Variants in ALOX15 observed in about 807,000 individuals in gnomAD.
The protein encoded by ALOX15 is polyunsaturated fatty acid lipoxygenase ALOX15.
Under a neutral mutation model 71.7 loss-of-function variants are expected in ALOX15, and 68 were observed. The observed-to-expected ratio is 0.95, with a 90% CI of 0.78 to 1.16. The LOEUF is 1.16. Ranked by LOEUF, ALOX15 falls within the 50% of genes most tolerant of loss-of-function variation. ALOX15 has a pLI of 0.00. For synonymous variants in ALOX15, 346 were observed against 333.3 expected, an observed-to-expected ratio of 1.04 and a Z score of -0.42; for missense variants, 798 against 818.8, an observed-to-expected ratio of 0.97 and a Z score of 0.31.
Position 4,633,128 on chromosome 17 carries a change from C to G in ALOX15, c.1418+18G>C, listed in dbSNP as rs1362734579. The G allele has an allele frequency of 6.2e-7, 1 of 1,611,716 alleles. No individual in the cohort carries two copies. The highest frequency in any genetic ancestry group is 1.7e-5 in the Admixed American group (1 of 59,950). Reference sequence around the variant, plus strand: ...CCACCCCCACTTGCACCCCCACTGGCCTTCCCGCTTGCCTCACCGATAGAT... The same window carrying G: ...CCACCCCCACTTGCACCCCCACTGGGCTTCCCGCTTGCCTCACCGATAGAT... On this transcript the variant is annotated intron_variant, in intron 10 of 13. Coordinates refer to ENST00000293761, the MANE Select transcript of ALOX15 (RefSeq NM_001140.5).
intron 1 of ALOX15, among the ~76,000 whole-genome samples, chr17:4,640,798 C>T (rs1219384807): frequency 4.6e-5 from 7 of 150,742 alleles, no homozygotes; most frequent in Non-Finnish European, 8.8e-5. Flanking sequence ...CTGACTGCGC[C>T]GGATTCTTGT....
intron 1 of ALOX15, among the ~76,000 whole-genome samples, 179 bp downstream of exon 1, chr17:4,641,338 G>A (rs919330533): frequency 2.0e-5 from 3 of 152,210 alleles, no homozygotes; most frequent in Non-Finnish European, 4.4e-5. Flanking sequence ...CGCTTACTGT[G>A]TGCCACCGAC....
intron 1 of ALOX15, chr17:4,639,971 G>A (rs1911260083): frequency 4.3e-5 from 6 of 138,918 alleles, no homozygotes; most frequent in South Asian, 2.0e-4. Context: ...TTCCCGCTGT[G>A]CGACCCCCCA....
chr17:4,635,960 C>T lies in ALOX15; in HGVS notation c.960G>A (p.Leu320=), dbSNP rs1348727281. The change falls in exon 8 of 14, where the codon CTG becomes CTA. Residue 320 remains leucine (L), a synonymous_variant. Transcript: ENST00000293761. ...KLLPMVIQLQ[L]PRTGSPPPPL... is the part of the protein sequence containing the mutation. ...GAGGTGGTGGGGATCCTGTGCGGGG[C>T]AGCTGGAGCTGGAGCAGGGACAAGT... is the stretch of plus-strand genomic sequence containing the variant. 8 of 1,613,518 alleles carry T rather than the reference C, an allele frequency of 5.0e-6. No individual in the cohort carries two copies. Among genetic ancestry groups the T allele is most frequent in the Non-Finnish European group, 5.1e-6 (6 of 1,180,016 alleles).
At chr17:4,636,012 G>A in intron 7 of ALOX15, 44 bp from the exon 8 acceptor site, 3 of 1,588,874 alleles carry the variant, frequency 1.9e-6, no homozygotes, top group South Asian at 1.1e-5. Flanking sequence ...TGAGTGCCAG[G>A]CACTCAGCGA....
chr17:4,638,880 C>T lies in ALOX15; in HGVS notation c.512G>A (p.Arg171Lys), dbSNP rs181950938. 10 of 1,614,252 alleles carry T rather than the reference C, an allele frequency of 6.2e-6. No individual in the cohort carries two copies. In the Admixed American group the frequency reaches 1.5e-4, roughly 24 times the overall value. The change falls in exon 4 of 14, where the codon AGA (arginine) becomes AAA (lysine). Residue 171 changes from arginine to lysine, a missense_variant. Physicochemically the swap from Arg to Lys is conservative, Grantham distance 26. Coordinates refer to ENST00000293761, the MANE Select transcript of ALOX15 (RefSeq NM_001140.5). Reference protein sequence around the residue: ...PVDERFLEDKRVDFEVSLAKG... With the variant: ...PVDERFLEDKKVDFEVSLAKG... ...GGCCAGCGAAACCTCAAAGTCAACTCTCTTGTCTTCCAGAAATCGCTCATC... is the reference window on the plus strand; with the variant it reads ...GGCCAGCGAAACCTCAAAGTCAACTTTCTTGTCTTCCAGAAATCGCTCATC...
Position 4,633,289 on chromosome 17 carries a change from G to A in ALOX15, c.1275C>T (p.His425=), listed in dbSNP as rs371526653. 1.7e-5 allele frequency: 27 copies of A among 1,613,942 alleles called. No homozygotes were observed. The highest frequency in any genetic ancestry group is 1.6e-4 in the Middle Eastern group (1 of 6,084). Residue 425 remains histidine (H), a synonymous_variant, in exon 10 of 14, where the codon CAC becomes CAT. Transcript: ENST00000293761. ...CTCCAGCTTGCTTGAGCAGCTGCAC[G>A]TGGCCTCCCCCACCAGTGCTCATTA... is the stretch of plus-strand genomic sequence containing the variant. ...DQIMSTGGGG[H]VQLLKQAGAF... is the part of the protein sequence containing the mutation.
chr17:4,641,571 G>A lies in ALOX15; in HGVS notation c.81C>T (p.Val27=), dbSNP rs760757064. Residue 27 remains valine, a synonymous_variant, in exon 1 of 14, where the codon GTC becomes GTT. Coordinates refer to ENST00000293761, the MANE Select transcript of ALOX15 (RefSeq NM_001140.5). Reference sequence around the variant, plus strand: ...CGAGCGCCGCCTCCCCGTGCTGGCCGACCAGCCACAGCTGCACCTGGTTGT... The same window carrying A: ...CGAGCGCCGCCTCCCCGTGCTGGCCAACCAGCCACAGCTGCACCTGGTTGT... ...GSNNQVQLWL[V]GQHGEAALGK... The A allele has an allele frequency of 1.9e-6, 3 of 1,613,438 alleles. No homozygotes were observed. The highest frequency in any genetic ancestry group is 2.2e-5 in the East Asian group (1 of 44,894).
At chr17:4,637,396 C>T in intron 6 of ALOX15, 138 bp from the exon 7 acceptor site, 1 of 1,008,270 alleles carries the variant, frequency 9.9e-7, no homozygotes, top group Non-Finnish European at 1.4e-6. Flanking sequence ...CATGTGCTTA[C>T]TTCCTCATAT....
intron 11 of ALOX15, 47 bp from the exon 12 acceptor site, chr17:4,632,328 C>G (rs779638646): frequency 6.6e-7 from 1 of 1,519,914 alleles, no homozygotes; most frequent in Non-Finnish European, 9.1e-7. Flanking sequence ...AGGAGTAGGG[C>G]AGCGCTCAGA....
At chr17:4,633,373 G>A (rs776036558) in intron 9 of ALOX15, 41 bp downstream of exon 9, 9 of 1,611,220 alleles carry the variant, frequency 5.6e-6, no homozygotes, top group Non-Finnish European at 7.6e-6. Flanking sequence ...TCCAGAGCTG[G>A]AAAAAAGACA....
rs559512165 is a variant in ALOX15 at position 4,633,234 on chromosome 17, G to T, written c.1330C>A (p.Pro444Thr). 1 of 1,614,226 alleles carries T rather than the reference G, an allele frequency of 6.2e-7. No homozygotes were observed. The highest frequency in any genetic ancestry group is 1.1e-5 in the South Asian group (1 of 91,090). ...AGCCCCCGGTCGGCCAAGTCATCAG[G>T]GGGACAGAAGGAGCTGTAGGTTAGG... ...AFLTYSSFCPPDDLADRGLLG... is the reference protein window; with the variant it reads ...AFLTYSSFCPTDDLADRGLLG... Residue 444 changes from proline (P) to threonine (T), a missense_variant, in exon 10 of 14, where the codon CCT (proline) becomes ACT (threonine). Pro to Thr is a conservative substitution (Grantham distance 38). Around this residue, in one of 3 missense-constraint regions of ALOX15, gnomAD observed 490 missense variants for 509.4 expected, o/e 0.96. Transcript: ENST00000293761.
chr17:4,633,915 T>C (rs1469487932), intron 8 of ALOX15, among the ~76,000 whole-genome samples: 4 of 152,132 alleles, frequency 2.6e-5, no homozygotes, highest in Non-Finnish European at 5.9e-5. Context: ...TAATCCTAAG[T>C]GCACTAACAC....
At position 4,633,220 on chromosome 17, in the gene ALOX15, G is replaced by A. The variant is rs181741193; in HGVS notation, c.1344C>T (p.Ala448=). The change falls in exon 10 of 14, where the codon GCC becomes GCT. Residue 448 remains alanine (A), a synonymous_variant. Coordinates refer to ENST00000293761, the MANE Select transcript of ALOX15 (RefSeq NM_001140.5). ...ACTTCACTCCCAGGAGCCCCCGGTC[G>A]GCCAAGTCATCAGGGGGACAGAAGG... is the stretch of plus-strand genomic sequence containing the variant. ...YSSFCPPDDL[A]DRGLLGVKSS... 39 of 1,614,130 alleles carry A rather than the reference G, an allele frequency of 2.4e-5. No homozygotes were observed. The highest frequency in any genetic ancestry group is 2.4e-4 in the African/African-American group (18 of 75,028).
chr17:4,631,521 G>T lies in ALOX15; in HGVS notation c.*79C>A. The T allele has an allele frequency of 6.5e-7, 1 of 1,540,012 alleles. No homozygotes were observed. ...GACATGGGAAGAGGGTGGGACTTGG[G>T]AGGGCAGGGCTATAACCACGAAGGG... On this transcript the variant is annotated 3_prime_UTR_variant, in exon 14 of 14. Coordinates refer to ENST00000293761, the MANE Select transcript of ALOX15 (RefSeq NM_001140.5).
chr17:4,639,974 A>ACCCCC (rs56188609), intron 1 of ALOX15: 41 of 111,846 alleles, frequency 3.7e-4, no homozygotes, highest in African/African-American at 1.7e-3. Context: ...CCGCTGTGCG[A>ACCCCC]CCCCCCACCC....
At position 4,639,101 on chromosome 17, in the gene ALOX15, C is replaced by G. The variant is rs765416532; in HGVS notation, c.369G>C (p.Leu123=). ...GCTCTTCTTCCCGGTGTTTCTGGAA[C>G]AGGCCCTGAGGGTCCTCGCCCACAG... ...GRTVGEDPQG[L]FQKHREEELE... is the part of the protein sequence containing the mutation. The change falls in exon 3 of 14, where the codon CTG becomes CTC. Residue 123 remains leucine, a synonymous_variant. Transcript: ENST00000293761. The G allele has an allele frequency of 6.2e-7, 1 of 1,614,214 alleles. No individual in the cohort carries two copies.
rs760274100 is a variant in ALOX15 at position 4,631,645 on chromosome 17, G to A, written c.1944C>T (p.Tyr648=). 21 of 1,613,870 alleles carry A rather than the reference G, an allele frequency of 1.3e-5. No individual in the cohort carries two copies. Among genetic ancestry groups the A allele is most frequent in the African/African-American group, 4.0e-5 (3 of 74,928 alleles). ...CCACCACGCTGGGCCGCAGGTACTC[G>A]TAGGGCATGTCCAGCTTTGCATTCC... ...EIRNAKLDMP[Y]EYLRPSVVEN... The change falls in exon 14 of 14, where the codon TAC becomes TAT. Residue 648 remains tyrosine (Y), a synonymous_variant. Coordinates refer to ENST00000293761, the MANE Select transcript of ALOX15 (RefSeq NM_001140.5).
rs1440393839 is a variant in ALOX15 at position 4,641,603 on chromosome 17, C to T, written c.49G>A (p.Gly17Ser). The T allele has an allele frequency of 2.5e-6, 4 of 1,613,794 alleles. No individual in the cohort carries two copies. The highest frequency in any genetic ancestry group is 1.1e-5 in the South Asian group (1 of 91,090). Residue 17 changes from glycine (G) to serine (S), a missense_variant, in exon 1 of 14, where the codon GGT (glycine) becomes AGT (serine). Physicochemically the swap from Gly to Ser is moderately conservative, Grantham distance 56. Coordinates refer to ENST00000293761, the MANE Select transcript of ALOX15 (RefSeq NM_001140.5). ...CACAGCTGCACCTGGTTGTTGGAACCGGCATAGAGCGAGGCCCCAGTGGAC... is the reference window on the plus strand; with the variant it reads ...CACAGCTGCACCTGGTTGTTGGAACTGGCATAGAGCGAGGCCCCAGTGGAC... Reference protein sequence around the residue: ...RVSTGASLYAGSNNQVQLWLV... With the variant: ...RVSTGASLYASSNNQVQLWLV...
Sources: allele counts gnomAD v4.1 joint callset (sites outside exome capture counted in the v4.1 genomes callset), GRCh38; gene constraint gnomAD v4.1.1; regional missense constraint gnomAD v4.1.1; transcripts MANE v1.5; gene names NCBI Gene and HGNC (gene_info 2026-07-23, HGNC 2026-07-21).